GPHN: variants seen among roughly 807,000 people sequenced by gnomAD.
GPHN encodes the protein gephyrin.
A neutral mutation model predicts 95.5 loss-of-function variants in GPHN; 17 were observed. That is an observed-to-expected ratio of 0.18 (90% CI 0.12 to 0.27). The LOEUF is 0.27. GPHN is among the 10% of genes least tolerant of loss of function. The probability of loss-of-function intolerance (pLI) is 1.00; values close to 1 mark genes in which losing one functional copy is unlikely to be tolerated. For missense variants in GPHN, 660 were observed against 978.1 expected, an observed-to-expected ratio of 0.67 and a Z score of 4.34; for synonymous variants, 320 against 322.5, an observed-to-expected ratio of 0.99 and a Z score of 0.08.
the GPHN span, among the ~76,000 whole-genome samples, chr14:67,596,360 C>T: frequency 3.8e-3 from 480 of 127,604 alleles, 4 homozygotes; most frequent in African/African-American, 0.014. Flanking sequence ...TGGCTGGTCT[C>T]GAACTCCTGA....
intron 5 of GPHN, among the ~76,000 whole-genome samples, chr14:66,899,308 G>A (rs1006245236): frequency 2.0e-5 from 3 of 151,764 alleles, no homozygotes; most frequent in African/African-American, 4.8e-5. Flanking sequence ...ATTTTGAATA[G>A]CCATGGTGAA....
At chr14:66,802,366 G>C (rs1158435801) in intron 3 of GPHN, among the ~76,000 whole-genome samples, 1 of 152,112 alleles carries the variant, frequency 6.6e-6, no homozygotes, top group Non-Finnish European at 1.5e-5. Flanking sequence ...CAGGGGAGTG[G>C]TATACCCTCT....
chr14:66,821,626 AG>A (rs1162053005), intron 3 of GPHN, among the ~76,000 whole-genome samples: 2 of 152,204 alleles, frequency 1.3e-5, no homozygotes, highest in African/African-American at 2.4e-5. Flanking sequence ...CATGACAACT[AG>A]GGGCCTGGAG....
intron 2 of GPHN, among the ~76,000 whole-genome samples, chr14:66,701,790 G>A (rs761828151): frequency 1.3e-5 from 2 of 152,136 alleles, no homozygotes; most frequent in African/African-American, 4.8e-5. Context: ...GGGGAGGGGC[G>A]ACCAACACCA....
chr14:66,749,538 A>G (rs1478145623), intron 2 of GPHN, among the ~76,000 whole-genome samples: 1 of 151,950 alleles, frequency 6.6e-6, no homozygotes, highest in African/African-American at 2.4e-5. Context: ...TGAACATTCT[A>G]ATAGGCTTAT....
At chr14:66,625,226 G>C (rs757488938) in intron 1 of GPHN, among the ~76,000 whole-genome samples, 1 of 151,832 alleles carries the variant, frequency 6.6e-6, no homozygotes, top group Non-Finnish European at 1.5e-5. Context: ...CTACAAACAC[G>C]CACCACCACA....
the GPHN span, chr14:67,473,952 C>A: frequency 2.2e-5 from 34 of 1,574,122 alleles, no homozygotes; most frequent in South Asian, 4.0e-4. The surrounding 1 kb of genome is among the most constrained non-coding windows in gnomAD (Gnocchi z 6.5). Context: ...CTGCGGGGGG[C>A]GCAAGAGAGA....
chr14:67,486,910 G>C, the GPHN span: 1 of 152,142 alleles, frequency 6.6e-6, no homozygotes, highest in East Asian at 1.9e-4. Context: ...CTCAGAACTA[G>C]AACCTCCAGA....
At chr14:66,563,787 T>C (rs1031197724) in intron 1 of GPHN, among the ~76,000 whole-genome samples, 1 of 152,186 alleles carries the variant, frequency 6.6e-6, no homozygotes, top group Non-Finnish European at 1.5e-5. Context: ...GCCAACTTAA[T>C]CTTGCTAATT....
the GPHN span, chr14:67,574,213 G>C: frequency 6.4e-7 from 1 of 1,556,858 alleles, no homozygotes. This position sits in a 1 kb window ranked among gnomAD's most constrained non-coding sequence, Gnocchi z 4.2. Flanking sequence ...CCAGCGTGCT[G>C]CCCCACCCCC....
At chr14:66,622,172 G>C (rs2063335598) in intron 1 of GPHN, among the ~76,000 whole-genome samples, 1 of 152,108 alleles carries the variant, frequency 6.6e-6, no homozygotes, top group Non-Finnish European at 1.5e-5. Flanking sequence ...TGCACTTGCA[G>C]GCTCAACACC....
At chr14:67,019,639 C>T (rs577979557) in intron 9 of GPHN, among the ~76,000 whole-genome samples, 2 of 152,132 alleles carry the variant, frequency 1.3e-5, no homozygotes, top group African/African-American at 2.4e-5. Flanking sequence ...TTGTTTCTCT[C>T]CTCCCTCACT....
chr14:67,200,576 T>A, the GPHN span: 1 of 226,516 alleles, frequency 4.4e-6, no homozygotes, highest in Non-Finnish European at 8.4e-6. Context: ...GGAGACTTCA[T>A]CTTCCATTAA....
chr14:66,837,442 T>A (rs1489171977), intron 4 of GPHN, among the ~76,000 whole-genome samples: 1 of 77,530 alleles, frequency 1.3e-5, no homozygotes, highest in Admixed American at 2.0e-4. Flanking sequence ...TGGGGACTGT[T>A]GTGGGGTGGG....
intron 1 of GPHN, among the ~76,000 whole-genome samples, chr14:66,609,858 C>G (rs2062708045): frequency 6.6e-6 from 1 of 152,062 alleles, no homozygotes; most frequent in Admixed American, 6.6e-5. Context: ...TCCTTTGATT[C>G]CTTGAATTGG....
intron 19 of GPHN, among the ~76,000 whole-genome samples, chr14:67,163,301 G>C (rs555329433): frequency 6.6e-6 from 1 of 151,928 alleles, no homozygotes; most frequent in African/African-American, 2.4e-5. Flanking sequence ...TCAAGACCTT[G>C]TCTCAAAAAA....
chr14:66,972,564 A>T (rs1434980548), intron 9 of GPHN, among the ~76,000 whole-genome samples: 1 of 151,874 alleles, frequency 6.6e-6, no homozygotes, highest in Non-Finnish European at 1.5e-5. Context: ...TTTTGTTCAT[A>T]CGCCCCATTT....
At position 67,144,268 on chromosome 14, in the gene GPHN, T is replaced by TACACATAC. The variant is rs1567400892; in HGVS notation, c.1836+820_1836+821insCACATACA. Among the ~76,000 whole-genome samples, 4 of 105,824 alleles carry TACACATAC rather than the reference T, an allele frequency of 3.8e-5. 1 individual carries two copies. Among genetic ancestry groups the TACACATAC allele is most frequent in the African/African-American group, 1.6e-4 (4 of 24,930 alleles). The allele number at this position is 105,824 out of a possible 152,430, so 69.4% of individuals were successfully genotyped here. ...AAAAAAAAATATATATATATATATA[T>TACACATAC]ATATATATATATATATATACACACA... On this transcript the variant is annotated intron_variant, in intron 18 of 22. Coordinates refer to ENST00000478722, the MANE Select transcript of GPHN (RefSeq NM_020806.5).
chr14:67,659,537 C>T, the GPHN span, among the ~76,000 whole-genome samples: 15 of 150,138 alleles, frequency 1.0e-4, no homozygotes, highest in East Asian at 2.1e-3. Context: ...GCATATAGTT[C>T]GAAAGGCCTG....
Sources: allele counts gnomAD v4.1 joint callset (sites outside exome capture counted in the v4.1 genomes callset), GRCh38; gene constraint gnomAD v4.1.1; non-coding constraint Gnocchi (gnomAD v3.1); transcripts MANE v1.5; gene names NCBI Gene and HGNC (gene_info 2026-07-23, HGNC 2026-07-21).